RANBP2: variants seen among roughly 807,000 people sequenced by gnomAD.
The protein encoded by RANBP2 is E3 SUMO-protein ligase RanBP2.
In RANBP2, 57 loss-of-function variants were observed where a neutral mutation model predicts 303.6. The observed-to-expected ratio is 0.19, with a 90% CI of 0.15 to 0.23. The LOEUF (loss-of-function observed/expected upper bound fraction) is 0.23, where lower values mean the gene tolerates loss of function less well. Ranked by LOEUF, RANBP2 falls within the 10% of genes least tolerant of loss-of-function variation. RANBP2 has a pLI of 1.00. For synonymous variants in RANBP2, 1,167 were observed against 1,301.5 expected, an observed-to-expected ratio of 0.90 and a Z score of 2.23; for missense variants, 3,138 against 3,780.8, an observed-to-expected ratio of 0.83 and a Z score of 4.46.
the RANBP2 span, among the ~76,000 whole-genome samples, chr2:109,361,101 T>C: frequency 6.6e-6 from 1 of 152,240 alleles, no homozygotes. Flanking sequence ...TTTTCTTCTT[T>C]AGCCTGTGGA....
the RANBP2 span, among the ~76,000 whole-genome samples, chr2:108,820,833 A>T: frequency 1.3e-5 from 2 of 152,202 alleles, no homozygotes; most frequent in African/African-American, 4.8e-5. Flanking sequence ...TATAAAAATT[A>T]CTAAAGAGAG....
chr2:109,274,637 C>G, the RANBP2 span, among the ~76,000 whole-genome samples: 2 of 152,080 alleles, frequency 1.3e-5, no homozygotes, highest in Non-Finnish European at 2.9e-5. Context: ...GAAGAGGCGG[C>G]AATGGAGCAG....
the RANBP2 span, among the ~76,000 whole-genome samples, chr2:109,139,822 C>A: frequency 1.3e-5 from 2 of 152,168 alleles, no homozygotes; most frequent in Non-Finnish European, 2.9e-5. Context: ...CACCTCTTTG[C>A]CAAAGACCAA....
At chr2:109,019,318 G>A in the RANBP2 span, among the ~76,000 whole-genome samples, 1 of 152,244 alleles carries the variant, frequency 6.6e-6, no homozygotes, top group Non-Finnish European at 1.5e-5. Flanking sequence ...GTCGGGTGTG[G>A]TGTGCTGAGC....
At chr2:109,248,220 G>A in the RANBP2 span, among the ~76,000 whole-genome samples, 1 of 152,154 alleles carries the variant, frequency 6.6e-6, no homozygotes, top group Non-Finnish European at 1.5e-5. Context: ...TGATTCAGAT[G>A]AATAGGAGTT....
the RANBP2 span, among the ~76,000 whole-genome samples, chr2:109,001,650 T>G: frequency 6.6e-6 from 1 of 152,250 alleles, no homozygotes; most frequent in Non-Finnish European, 1.5e-5. Flanking sequence ...CACACAGAAT[T>G]GGCCCTAAAT....
the RANBP2 span, among the ~76,000 whole-genome samples, chr2:109,726,365 G>A: frequency 2.0e-5 from 3 of 151,774 alleles, no homozygotes; most frequent in African/African-American, 4.8e-5. Flanking sequence ...AGCCAGGATC[G>A]CACCACTGCA....
At chr2:109,365,051 A>AAAACAAAC in the RANBP2 span, among the ~76,000 whole-genome samples, 28,057 of 151,490 alleles carry the variant, frequency 0.19, 2,681 homozygotes, top group South Asian at 0.28. Flanking sequence ...ACACACATAT[A>AAAACAAAC]AAACAAACAA....
At chr2:109,629,341 ATATATATATATATATTTTTT>A in the RANBP2 span, among the ~76,000 whole-genome samples, 89 of 8,214 alleles carry the variant, frequency 0.011, no homozygotes, top group African/African-American at 0.034. Context: ...ATATATATAT[ATATATATATATATATTTTTT>A]TTTTTTTTTT....
At chr2:109,501,357 A>C in the RANBP2 span, 11 of 506,664 alleles carry the variant, frequency 2.2e-5, no homozygotes, top group Middle Eastern at 9.4e-4. Flanking sequence ...GTTTTGAAAA[A>C]ATTAAAAATA....
the RANBP2 span, among the ~76,000 whole-genome samples, chr2:109,061,934 A>C: frequency 2.0e-5 from 3 of 152,114 alleles, no homozygotes; most frequent in Admixed American, 1.3e-4. Context: ...TGTGGCTGTC[A>C]GAGTGGATGT....
chr2:109,013,209 T>C, the RANBP2 span, among the ~76,000 whole-genome samples: 1 of 152,210 alleles, frequency 6.6e-6, no homozygotes, highest in Admixed American at 6.5e-5. Flanking sequence ...CGAGCAACTA[T>C]GCAATAAGGA....
the RANBP2 span, among the ~76,000 whole-genome samples, chr2:109,095,209 TC>T: frequency 6.6e-6 from 1 of 152,202 alleles, no homozygotes; most frequent in Non-Finnish European, 1.5e-5. Context: ...TATCTTCACT[TC>T]GTCTGATAGC....
chr2:109,356,177 G>A, the RANBP2 span, among the ~76,000 whole-genome samples: 1 of 152,020 alleles, frequency 6.6e-6, no homozygotes, highest in African/African-American at 2.4e-5. Flanking sequence ...TTAGGTACAG[G>A]GAGTGGCTGA....
the RANBP2 span, among the ~76,000 whole-genome samples, chr2:109,418,413 G>A: frequency 6.6e-6 from 1 of 152,194 alleles, no homozygotes; most frequent in Non-Finnish European, 1.5e-5. Context: ...GGTGTGGACA[G>A]GTTTGGTTCC....
the RANBP2 span, among the ~76,000 whole-genome samples, chr2:108,830,999 ACT>A: frequency 8.6e-5 from 13 of 151,982 alleles, no homozygotes; most frequent in South Asian, 2.7e-3. Context: ...ACATGGAGAA[ACT>A]CTGTCTCTAC....
chr2:109,175,921 A>T, the RANBP2 span, among the ~76,000 whole-genome samples: 1 of 152,172 alleles, frequency 6.6e-6, no homozygotes, highest in Non-Finnish European at 1.5e-5. Flanking sequence ...AGTTCTTTGA[A>T]TATTTTATAG....
chr2:108,786,679 G>A, downstream of RANBP2: 1 of 720,328 alleles, frequency 1.4e-6, no homozygotes, highest in East Asian at 2.9e-5. Context: ...TGCAGTCTCC[G>A]GGTCGCCCCG....
At chr2:109,383,216 C>G in the RANBP2 span, among the ~76,000 whole-genome samples, 1 of 152,224 alleles carries the variant, frequency 6.6e-6, no homozygotes, top group South Asian at 2.1e-4. Context: ...ATGACAGCAG[C>G]ACTTCTTGGC....
Sources: gnomAD v4.1 joint callset for allele counts (sites outside exome capture counted in the v4.1 genomes callset) on GRCh38, gnomAD v4.1.1 for gene constraint, MANE v1.5 for transcripts, NCBI Gene and HGNC (gene_info 2026-07-23, HGNC 2026-07-21) for gene names.